RBFOX1: variants seen among roughly 807,000 people sequenced by gnomAD.
The protein encoded by RBFOX1 is RNA binding protein fox-1 homolog 1.
Under a neutral mutation model 57.7 loss-of-function variants are expected in RBFOX1, and 8 were observed. That is an observed-to-expected ratio of 0.14 (90% CI 0.08 to 0.25). RBFOX1 has a LOEUF of 0.25. Ranked by LOEUF, RBFOX1 falls within the 10% of genes least tolerant of loss-of-function variation. The pLI is 1.00. For missense variants in RBFOX1, 611 were observed against 548.5 expected, an observed-to-expected ratio of 1.11 and a Z score of -1.14; for synonymous variants, 326 against 222.4, an observed-to-expected ratio of 1.47 and a Z score of -4.15.
chr16:6,264,163 A>C (rs570368526), intron 1 of RBFOX1, among the ~76,000 whole-genome samples: 1 of 152,200 alleles, frequency 6.6e-6, no homozygotes, highest in African/African-American at 2.4e-5. Context: ...TGCAAGTTGC[A>C]ATTTGTTTGG....
At chr16:6,641,295 G>T (rs967967862) in intron 2 of RBFOX1, among the ~76,000 whole-genome samples, 11 of 152,152 alleles carry the variant, frequency 7.2e-5, no homozygotes, top group African/African-American at 2.7e-4. Context: ...CTAGAGGACA[G>T]CATTGTAACA....
chr16:6,948,332 ACT>A (rs1207227728), intron 3 of RBFOX1, among the ~76,000 whole-genome samples: 1 of 148,016 alleles, frequency 6.8e-6, no homozygotes, highest in Non-Finnish European at 1.5e-5. Flanking sequence ...ATGGAAACAA[ACT>A]CTGACATCTT....
intron 3 of RBFOX1, among the ~76,000 whole-genome samples, chr16:6,981,456 T>C (rs2088847687): frequency 6.6e-6 from 1 of 152,240 alleles, no homozygotes; most frequent in Non-Finnish European, 1.5e-5. Context: ...TAGTATTCCA[T>C]GGTGTGTATA....
intron 3 of RBFOX1, among the ~76,000 whole-genome samples, chr16:5,677,964 G>A (rs1029932537): frequency 4.6e-5 from 7 of 152,216 alleles, no homozygotes; most frequent in African/African-American, 1.7e-4. Flanking sequence ...TTCTATGTCA[G>A]ATGCTCATGG....
intron 2 of RBFOX1, among the ~76,000 whole-genome samples, chr16:6,385,735 C>G (rs563413546): frequency 6.6e-6 from 1 of 152,186 alleles, no homozygotes; most frequent in Admixed American, 6.5e-5. Flanking sequence ...GTGATAAGCA[C>G]AGTGACTCAT....
rs113567456 is a variant in RBFOX1, at chr16:6,803,136, A to AT, written c.-16+148496dup. On this transcript the variant is annotated intron_variant, in intron 3 of 15. Transcript: ENST00000550418. ...AACCTCTGAGCTAGACCATGCCTTG[A>AT]TTTTTTTTTTCTTTTAAATGCCATG... 3.4e-4 allele frequency among the ~76,000 whole-genome samples: 51 copies of AT among 150,590 alleles called. 1 individual carries two copies. In the South Asian group the frequency reaches 4.2e-3, roughly 12 times the overall value.
intron 1 of RBFOX1, among the ~76,000 whole-genome samples, chr16:6,073,278 A>G (rs907935089): frequency 4.3e-4 from 66 of 152,302 alleles, no homozygotes; most frequent in African/African-American, 1.4e-3. Context: ...ATGAGCAGGT[A>G]TTAGGTTGGT....
At chr16:6,363,854 G>T (rs780230363) in intron 2 of RBFOX1, among the ~76,000 whole-genome samples, 1 of 152,132 alleles carries the variant, frequency 6.6e-6, no homozygotes, top group South Asian at 2.1e-4. Flanking sequence ...TTTTGGCCTA[G>T]GAAATGAAAG....
At chr16:6,921,730 T>C (rs1361437106) in intron 3 of RBFOX1, among the ~76,000 whole-genome samples, 1 of 151,850 alleles carries the variant, frequency 6.6e-6, no homozygotes, top group Non-Finnish European at 1.5e-5. Context: ...ATAATGTTCA[T>C]ATATATGAGC....
intron 1 of RBFOX1, chr16:6,038,574 A>G (rs148588756): frequency 1.4e-5 from 2 of 142,720 alleles, no homozygotes; most frequent in African/African-American, 5.2e-5. Flanking sequence ...TATATCATCC[A>G]TATATATATA....
intron 2 of RBFOX1, among the ~76,000 whole-genome samples, chr16:6,481,790 C>A (rs547800061): frequency 1.3e-4 from 20 of 152,240 alleles, no homozygotes; most frequent in African/African-American, 4.3e-4. Flanking sequence ...GTTATCTCAG[C>A]ATCCGTTAAA....
intron 4 of RBFOX1, among the ~76,000 whole-genome samples, chr16:7,417,794 T>C (rs912152332): frequency 3.9e-5 from 6 of 152,238 alleles, no homozygotes; most frequent in African/African-American, 1.2e-4. Flanking sequence ...TCACCCTCTG[T>C]GCATGTGTGT....
intron 2 of RBFOX1, among the ~76,000 whole-genome samples, chr16:5,468,043 T>A (rs2069008280): frequency 6.6e-6 from 1 of 152,144 alleles, no homozygotes; most frequent in Non-Finnish European, 1.5e-5. Context: ...CTTGCTGTCA[T>A]TTAAGTGGTG....
intron 2 of RBFOX1, among the ~76,000 whole-genome samples, chr16:5,503,875 C>G (rs2151704605): frequency 6.6e-6 from 1 of 152,342 alleles, no homozygotes; most frequent in South Asian, 2.1e-4. Flanking sequence ...GTCCTCCCAG[C>G]CCCTGGCAAA....
intron 11 of RBFOX1, among the ~76,000 whole-genome samples, chr16:7,647,987 A>T (rs2064093935): frequency 6.6e-6 from 1 of 152,170 alleles, no homozygotes; most frequent in Non-Finnish European, 1.5e-5. Context: ...CTGTCCAGGT[A>T]ATCATCTCAA....
At chr16:5,279,650 T>C (rs1457419056) in intron 1 of RBFOX1, among the ~76,000 whole-genome samples, 1 of 152,074 alleles carries the variant, frequency 6.6e-6, no homozygotes, top group Non-Finnish European at 1.5e-5. Flanking sequence ...TACAGGCACC[T>C]ACCACCATGC....
chr16:6,914,659 A>T (rs2072645252), intron 3 of RBFOX1, among the ~76,000 whole-genome samples: 1 of 152,306 alleles, frequency 6.6e-6, no homozygotes, highest in South Asian at 2.1e-4. Flanking sequence ...GGATTGCTTG[A>T]GGCCACGAGT....
intron 4 of RBFOX1, among the ~76,000 whole-genome samples, chr16:7,498,231 T>G (rs1488243181): frequency 2.0e-5 from 3 of 152,154 alleles, no homozygotes; most frequent in Admixed American, 2.0e-4. Context: ...TTTCAAAAAA[T>G]GTTCACGTTT....
chr16:5,608,329 T>G (rs573169370), intron 3 of RBFOX1, among the ~76,000 whole-genome samples: 1 of 152,322 alleles, frequency 6.6e-6, no homozygotes, highest in South Asian at 2.1e-4. Context: ...AGCAGCCGTC[T>G]GAGCAGTCAT....
Sources: allele counts gnomAD v4.1 joint callset (sites outside exome capture counted in the v4.1 genomes callset), GRCh38; gene constraint gnomAD v4.1.1; transcripts MANE v1.5; gene names NCBI Gene and HGNC (gene_info 2026-07-23, HGNC 2026-07-21).